NPTN: variants seen among roughly 807,000 people sequenced by gnomAD.
NPTN encodes the protein neuroplastin.
NPTN carries 5 observed loss-of-function variants against 42.7 expected under a neutral mutation model. The ratio of observed to expected loss-of-function variants is 0.12; its 90% CI spans 0.06 to 0.25. NPTN has a LOEUF of 0.25. Ranked by LOEUF, NPTN falls within the 10% of genes least tolerant of loss-of-function variation. The pLI is 1.00. For synonymous variants in NPTN, 180 were observed against 201.9 expected (o/e 0.89, Z 0.92); for missense variants, 307 against 525.4 (o/e 0.58, Z 4.06).
At chr15:73,568,454 G>A in intron 6 of NPTN, 1 of 985,400 alleles carries the variant, frequency 1.0e-6, no homozygotes, top group Non-Finnish European at 1.2e-6. Context: ...CCCTTTTCAG[G>A]AATGAGGCAT....
intron 1 of NPTN, among the ~76,000 whole-genome samples, chr15:73,612,463 T>G (rs961767994): frequency 6.7e-6 from 1 of 150,070 alleles, no homozygotes. Flanking sequence ...ATGGGACTCT[T>G]AAACCTTAAG....
intron 5 of NPTN, among the ~76,000 whole-genome samples, chr15:73,571,276 C>T (rs1446203872): frequency 1.3e-5 from 2 of 152,072 alleles, no homozygotes; most frequent in African/African-American, 4.8e-5. Context: ...ACAAAACAAA[C>T]AAATAAAAGA....
chr15:73,562,049 C>T, intron 7 of NPTN, 79 bp from the exon 8 acceptor site: 1 of 1,035,790 alleles, frequency 9.7e-7, no homozygotes, highest in African/African-American at 1.7e-5. Context: ...AATACAGGGA[C>T]TCTTTCACTT....
intron 7 of NPTN, 57 bp from the exon 8 acceptor site, chr15:73,562,027 A>G: frequency 3.1e-6 from 4 of 1,290,190 alleles, no homozygotes; most frequent in Non-Finnish European, 4.4e-6. Context: ...TTTTCAAAGT[A>G]TAACACATGG....
chr15:73,598,455 G>A (rs532531900), intron 1 of NPTN, among the ~76,000 whole-genome samples: 182 of 151,024 alleles, frequency 1.2e-3, no homozygotes, highest in Non-Finnish European at 2.2e-3. Flanking sequence ...AGACAAGGTG[G>A]AAATGGCAGA....
At chr15:73,605,195 C>A (rs1271672462) in intron 1 of NPTN, among the ~76,000 whole-genome samples, 1 of 151,588 alleles carries the variant, frequency 6.6e-6, no homozygotes, top group African/African-American at 2.4e-5. Context: ...AGGGCTCACA[C>A]ACATCCATGA....
intron 1 of NPTN, among the ~76,000 whole-genome samples, chr15:73,609,899 T>C (rs1897488004): frequency 6.6e-6 from 1 of 152,160 alleles, no homozygotes; most frequent in Non-Finnish European, 1.5e-5. Context: ...ATCTGTGTCG[T>C]GAACACTCAG....
intron 4 of NPTN, among the ~76,000 whole-genome samples, chr15:73,580,423 T>TATATATATA (rs1222768599): frequency 1.1e-4 from 11 of 101,522 alleles, no homozygotes; most frequent in Non-Finnish European, 1.9e-4. Context: ...ATATATATAA[T>TATATATATA]ATATATATAA....
intron 5 of NPTN, among the ~76,000 whole-genome samples, chr15:73,573,423 A>G (rs1895517035): frequency 6.6e-6 from 1 of 152,228 alleles, no homozygotes; most frequent in Non-Finnish European, 1.5e-5. Context: ...GGACTAATAC[A>G]GTGAGCAATC....
intron 1 of NPTN, among the ~76,000 whole-genome samples, chr15:73,616,614 T>C (rs947494277): frequency 1.3e-5 from 2 of 152,128 alleles, no homozygotes; most frequent in African/African-American, 4.8e-5. Flanking sequence ...TCTATTCTAT[T>C]CTCCCTTCAC....
At chr15:73,610,351 C>T (rs914795604) in intron 1 of NPTN, among the ~76,000 whole-genome samples, 1 of 152,196 alleles carries the variant, frequency 6.6e-6, no homozygotes, top group African/African-American at 2.4e-5. Flanking sequence ...CTGCCTTGAC[C>T]TCCCAAAGTA....
At chr15:73,611,224 A>C (rs553546290) in intron 1 of NPTN, among the ~76,000 whole-genome samples, 1 of 152,338 alleles carries the variant, frequency 6.6e-6, no homozygotes, top group Admixed American at 6.5e-5. Context: ...TCTTAAAGTA[A>C]TACGCAATTT....
chr15:73,578,572 TAA>T (rs944579962), intron 4 of NPTN, among the ~76,000 whole-genome samples: 1 of 152,208 alleles, frequency 6.6e-6, no homozygotes, highest in African/African-American at 2.4e-5. Context: ...TGCAAAAGAA[TAA>T]GAGTGTTTTT....
intron 6 of NPTN, chr15:73,568,752 T>C: frequency 2.0e-6 from 2 of 985,502 alleles, no homozygotes; most frequent in Non-Finnish European, 2.4e-6. Context: ...CCCACGCCTC[T>C]GCCCAGCTCA....
At position 73,573,756 on chromosome 15, in the gene NPTN, T is replaced by C. The variant is rs763209751; in HGVS notation, c.746A>G (p.Lys249Arg). The C allele has an allele frequency of 1.9e-6, 3 of 1,601,360 alleles. No individual in the cohort carries two copies. The South Asian group carries it at 3.4e-5, about 18-fold the overall frequency. ...DITGHKRSEN[K>R]NEGQDATMYC... is the part of the protein sequence containing the mutation. ...CATAGTGGCATCCTGCCCTTCATTC[T>C]TGTTCTCACTCCGTTTATGGCCAGT... The change falls in exon 5 of 9, where the codon AAG becomes AGG. Residue 249 changes from lysine (K) to arginine (R), a missense_variant. Lys to Arg is a conservative substitution (Grantham distance 26). Transcript: ENST00000345330.
At chr15:73,607,643 G>A (rs1222127637) in intron 1 of NPTN, among the ~76,000 whole-genome samples, 3 of 152,152 alleles carry the variant, frequency 2.0e-5, no homozygotes, top group Admixed American at 6.5e-5. Context: ...TTAGGTAACC[G>A]TAGTCCTAGT....
intron 4 of NPTN, among the ~76,000 whole-genome samples, chr15:73,577,243 G>A (rs1176386012): frequency 6.6e-6 from 1 of 152,192 alleles, no homozygotes; most frequent in Non-Finnish European, 1.5e-5. Context: ...ACAGTTACAA[G>A]GTGGTTCCAC....
chr15:73,622,029 G>A (rs1331210793), intron 1 of NPTN, among the ~76,000 whole-genome samples: 1 of 152,020 alleles, frequency 6.6e-6, no homozygotes, highest in Non-Finnish European at 1.5e-5. Context: ...TAGGTATAAA[G>A]TAATCACATC....
chr15:73,581,980 G>A (rs1468985440), intron 4 of NPTN, among the ~76,000 whole-genome samples: 4 of 152,050 alleles, frequency 2.6e-5, no homozygotes, highest in South Asian at 4.1e-4. Flanking sequence ...GACCACAGGC[G>A]TGCACCGCCA....
Sources: allele counts gnomAD v4.1 joint callset (sites outside exome capture counted in the v4.1 genomes callset), GRCh38; gene constraint gnomAD v4.1.1; transcripts MANE v1.5; gene names NCBI Gene and HGNC (gene_info 2026-07-23, HGNC 2026-07-21).